The following IL2RB variants were observed in gnomAD, a reference collection of about 807,000 sequenced individuals.
IL2RB encodes interleukin 2 receptor subunit beta.
A neutral mutation model predicts 44.2 loss-of-function variants in IL2RB; 17 were observed. The observed-to-expected ratio is 0.38, with a 90% CI of 0.26 to 0.58. IL2RB has a LOEUF of 0.58. IL2RB is among the 20% of genes least tolerant of loss of function. The probability of loss-of-function intolerance (pLI) is 0.63; values close to 1 mark genes in which losing one functional copy is unlikely to be tolerated. For synonymous variants in IL2RB, 286 were observed against 297.9 expected (o/e 0.96, Z 0.41); for missense variants, 624 against 685.5 (o/e 0.91, Z 1.00).
chr22:37,161,055 T>A lies in IL2RB; in HGVS notation c.-34+13903A>T, dbSNP rs1922850070. ...ACTTGGGAGGCTGAGGCAGGAGAAC[T>A]GCTTGAACCCCGGGAGGTGGAGGTT... is the stretch of plus-strand genomic sequence containing the variant. On this transcript the variant is annotated intron_variant, in intron 1 of 5. Transcript: ENST00000429622. Among the ~76,000 whole-genome samples, 3 of 152,324 alleles carry A rather than the reference T, an allele frequency of 2.0e-5. No homozygotes were observed. In the South Asian group the frequency reaches 6.2e-4, roughly 32 times the overall value.
intron 6 of IL2RB, among the ~76,000 whole-genome samples, chr22:37,136,647 C>T (rs1456374076): frequency 6.6e-6 from 1 of 151,900 alleles, no homozygotes; most frequent in African/African-American, 2.4e-5. Context: ...AACCATCCCC[C>T]TCTCTCCCCG....
In IL2RB at chr22:37,128,498, G is replaced by A; in HGVS notation, c.1254C>T (p.Tyr418=). Residue 418 remains tyrosine (Y), a synonymous_variant, in exon 10 of 10, where the codon TAC becomes TAT. Transcript: ENST00000216223. The surrounding 1 kb of genome is among the most constrained non-coding windows in gnomAD (Gnocchi z 4.5). The stretch of plus-strand genomic sequence containing the variant: ...GGTCATCCCTGGAGGGGAAGGTGCA[G>A]TAGGCGTCGTCCTCCCCTGACAGAG... ...LQPLSGEDDA[Y]CTFPSRDDLL... 1 of 1,608,320 alleles carries A rather than the reference G, an allele frequency of 6.2e-7. No homozygotes were observed. The highest frequency in any genetic ancestry group is 8.5e-7 in the Non-Finnish European group (1 of 1,176,024).
Position 37,132,368 on chromosome 22 carries a change from C to G in IL2RB, c.903+16G>C, listed in dbSNP as rs745363493. 1 of 1,609,492 alleles carries G rather than the reference C, an allele frequency of 6.2e-7. No homozygotes were observed. The highest frequency in any genetic ancestry group is 8.5e-7 in the Non-Finnish European group (1 of 1,176,362). ...ACACCCCTGCCCACCTCTGTCTCCC[C>G]GCCCCGGCCTCCTACCTGGACGTCT... On this transcript the variant is annotated intron_variant, in intron 9 of 9. Transcript: ENST00000216223.
intron 6 of IL2RB, among the ~76,000 whole-genome samples, chr22:37,136,653 C>G (rs1257278865): frequency 6.6e-6 from 1 of 152,108 alleles, no homozygotes; most frequent in African/African-American, 2.4e-5. Flanking sequence ...CCCCCTCTCT[C>G]CCCGCCGCAC....
chr22:37,167,527 A>G (rs948389161), intron 1 of IL2RB, among the ~76,000 whole-genome samples: 2 of 151,874 alleles, frequency 1.3e-5, no homozygotes, highest in Non-Finnish European at 2.9e-5. Flanking sequence ...CCCTTGCCCC[A>G]CTGCCCCTGG....
intron 1 of IL2RB, among the ~76,000 whole-genome samples, chr22:37,165,599 A>G (rs1923041295): frequency 1.3e-5 from 2 of 152,224 alleles, no homozygotes; most frequent in East Asian, 3.8e-4. Flanking sequence ...AATCACAGCT[A>G]AAGTTTGTAT....
intron 8 of IL2RB, among the ~76,000 whole-genome samples, chr22:37,133,861 T>A (rs3218360): frequency 4.1e-4 from 63 of 152,302 alleles, no homozygotes; most frequent in Non-Finnish European, 8.5e-4. Flanking sequence ...GCCCCTGCAC[T>A]CTGTTCCTGG....
chr22:37,168,713 G>T (rs1038271273), intron 1 of IL2RB, among the ~76,000 whole-genome samples: 3 of 152,194 alleles, frequency 2.0e-5, no homozygotes, highest in Non-Finnish European at 4.4e-5. Context: ...GGCCGGAATG[G>T]GTCGAGAGAA....
chr22:37,172,928 C>T (rs1244048871), intron 1 of IL2RB, among the ~76,000 whole-genome samples: 1 of 152,170 alleles, frequency 6.6e-6, no homozygotes, highest in Admixed American at 6.5e-5. Flanking sequence ...GAGTGTTTCC[C>T]ATCCTCCAGC....
At position 37,132,477 on chromosome 22, in the gene IL2RB, A is replaced by T; in HGVS notation, c.819-9T>A. 6.2e-7 allele frequency: 1 copy of T among 1,609,790 alleles called. No individual in the cohort carries two copies. Among genetic ancestry groups the T allele is most frequent in the Non-Finnish European group, 8.5e-7 (1 of 1,176,408 alleles). On this transcript the variant is annotated splice_polypyrimidine_tract_variant and intron_variant, in intron 8 of 9. Transcript: ENST00000216223. ...TCAGGACCTTCTTCAGCCTGGACAG[A>T]GGAGAGGAGGGAAGGAGGAGGGTGA...
intron 1 of IL2RB, among the ~76,000 whole-genome samples, chr22:37,161,446 C>T (rs117793810): frequency 6.6e-6 from 1 of 152,328 alleles, no homozygotes; most frequent in Non-Finnish European, 1.5e-5. Context: ...TAAGCTGAAA[C>T]TGCTTTTCCA....
At chr22:37,171,269 C>T (rs951717553) in intron 1 of IL2RB, among the ~76,000 whole-genome samples, 4 of 152,130 alleles carry the variant, frequency 2.6e-5, no homozygotes, top group African/African-American at 7.2e-5. Context: ...AGTTGTGAGT[C>T]GTCATGCTTG....
chr22:37,148,228 A>G (rs1308597969), intron 1 of IL2RB, among the ~76,000 whole-genome samples: 1 of 152,106 alleles, frequency 6.6e-6, no homozygotes, highest in Non-Finnish European at 1.5e-5. Flanking sequence ...CCACGGGAGG[A>G]TGGTGTGGGG....
At chr22:37,136,466 A>ACGC (rs748761091) in intron 6 of IL2RB, 73 bp from the exon 7 acceptor site, 2 of 1,329,910 alleles carry the variant, frequency 1.5e-6, no homozygotes, top group African/African-American at 3.3e-5. Flanking sequence ...GCATCACAGA[A>ACGC]CCCCCCCCCA....
intron 1 of IL2RB, among the ~76,000 whole-genome samples, chr22:37,172,531 G>A (rs1254488406): frequency 1.3e-5 from 2 of 152,158 alleles, no homozygotes; most frequent in African/African-American, 4.8e-5. Flanking sequence ...AGGTTTTGGG[G>A]GTGGGCAGTG....
intron 9 of IL2RB, among the ~76,000 whole-genome samples, chr22:37,131,528 C>T (rs529535453): frequency 5.4e-4 from 82 of 152,292 alleles, no homozygotes; most frequent in Non-Finnish European, 1.5e-5. Context: ...GATCTGCGGG[C>T]CGGCACTTTA....
chr22:37,155,505 C>A (rs1252559563), intron 1 of IL2RB, among the ~76,000 whole-genome samples: 1 of 152,252 alleles, frequency 6.6e-6, no homozygotes, highest in Non-Finnish European at 1.5e-5. Context: ...CTTTCTCACT[C>A]TGTCAGGGCT....
chr22:37,138,170 T>A (rs1037482968), intron 5 of IL2RB, among the ~76,000 whole-genome samples: 1 of 152,186 alleles, frequency 6.6e-6, no homozygotes, highest in Non-Finnish European at 1.5e-5. Flanking sequence ...CACTTACAAT[T>A]GACCTGAGAG....
At chr22:37,132,000 C>G (rs3218323) in intron 9 of IL2RB, among the ~76,000 whole-genome samples, 5,749 of 152,282 alleles carry the variant, frequency 0.038, 353 homozygotes, top group African/African-American at 0.13. Flanking sequence ...TCCCAAAGTG[C>G]TGGGATTACA....
Sources: gnomAD v4.1 joint callset for allele counts (sites outside exome capture counted in the v4.1 genomes callset) on GRCh38, gnomAD v4.1.1 for gene constraint, Gnocchi (gnomAD v3.1) non-coding constraint, MANE v1.5 for transcripts, NCBI Gene and HGNC (gene_info 2026-07-23, HGNC 2026-07-21) for gene names.